Variants in NXPH1 observed in about 807,000 individuals in gnomAD.
NXPH1 encodes neurexophilin-1.
NXPH1 carries 5 observed loss-of-function variants against 23.7 expected under a neutral mutation model. That is an observed-to-expected ratio of 0.21 (90% CI 0.11 to 0.44). NXPH1 has a LOEUF of 0.44. Ranked by LOEUF, NXPH1 falls within the 20% of genes least tolerant of loss-of-function variation. The pLI, the probability that NXPH1 is intolerant of heterozygous loss-of-function variation, is 0.99. For missense variants in NXPH1, 324 were observed against 321.6 expected (o/e 1.01, Z -0.06); for synonymous variants, 144 against 122.2 (o/e 1.18, Z -1.18).
At chr7:8,704,946 G>T (rs571950669) in intron 2 of NXPH1, among the ~76,000 whole-genome samples, 1 of 152,012 alleles carries the variant, frequency 6.6e-6, no homozygotes, top group Non-Finnish European at 1.5e-5. Flanking sequence ...TGCCCAAAAG[G>T]ACCTGCAACC....
intron 2 of NXPH1, among the ~76,000 whole-genome samples, chr7:8,726,926 G>A (rs1562466611): frequency 6.6e-6 from 1 of 151,282 alleles, no homozygotes; most frequent in Non-Finnish European, 1.5e-5. Context: ...CTTCCACAAT[G>A]GTTGAACTAG....
intron 2 of NXPH1, among the ~76,000 whole-genome samples, chr7:8,708,760 C>G (rs1187961251): frequency 6.6e-6 from 1 of 152,102 alleles, no homozygotes; most frequent in African/African-American, 2.4e-5. Context: ...ATGAAGAATG[C>G]TATAAGGAAA....
intron 2 of NXPH1, among the ~76,000 whole-genome samples, chr7:8,605,138 G>T (rs73052515): frequency 0.014 from 2,054 of 152,084 alleles, 22 homozygotes; most frequent in Non-Finnish European, 0.021. Flanking sequence ...TTCCTAATAG[G>T]ACTGTTTAAG....
chr7:8,727,184 G>T (rs1780071116), intron 2 of NXPH1, among the ~76,000 whole-genome samples: 1 of 135,198 alleles, frequency 7.4e-6, no homozygotes, highest in African/African-American at 3.1e-5. Flanking sequence ...TGATGGGGTT[G>T]TTTGTTTTTT....
At chr7:8,492,905 G>T (rs192570810) in intron 2 of NXPH1, among the ~76,000 whole-genome samples, 7 of 152,080 alleles carry the variant, frequency 4.6e-5, no homozygotes, top group Non-Finnish European at 1.0e-4. Flanking sequence ...TAGCCAGAGT[G>T]TTCTAAGTGA....
intron 2 of NXPH1, among the ~76,000 whole-genome samples, chr7:8,646,890 G>T (rs1197078375): frequency 6.6e-6 from 1 of 151,374 alleles, no homozygotes; most frequent in Non-Finnish European, 1.5e-5. Context: ...CAATAAACTG[G>T]CAACTCGGGT....
At chr7:8,533,143 C>A (rs1211842226) in intron 2 of NXPH1, among the ~76,000 whole-genome samples, 1 of 152,100 alleles carries the variant, frequency 6.6e-6, no homozygotes, top group East Asian at 1.9e-4. Flanking sequence ...GGTGATAGAG[C>A]AAAGACGAGA....
chr7:8,706,330 C>T (rs996867162), intron 2 of NXPH1, among the ~76,000 whole-genome samples: 1 of 152,184 alleles, frequency 6.6e-6, no homozygotes. Context: ...CAGGCTTAAG[C>T]AGATTCAGAA....
intron 2 of NXPH1, among the ~76,000 whole-genome samples, chr7:8,657,369 T>C (rs1222910408): frequency 6.6e-6 from 1 of 152,214 alleles, no homozygotes; most frequent in African/African-American, 2.4e-5. Context: ...TTTTGAAACT[T>C]CCTGCCTTAG....
chr7:8,553,622 A>G (rs1818311280), intron 2 of NXPH1, among the ~76,000 whole-genome samples: 1 of 151,558 alleles, frequency 6.6e-6, no homozygotes, highest in Non-Finnish European at 1.5e-5. Flanking sequence ...ATAGTTTAGA[A>G]TATATGTGGC....
intron 2 of NXPH1, among the ~76,000 whole-genome samples, chr7:8,721,344 T>C (rs932661407): frequency 1.3e-5 from 2 of 151,944 alleles, no homozygotes; most frequent in African/African-American, 2.4e-5. Context: ...ATATGGAAGT[T>C]TCTTGTAACT....
At chr7:8,443,950 A>G (rs965402402) in intron 2 of NXPH1, among the ~76,000 whole-genome samples, 2 of 151,880 alleles carry the variant, frequency 1.3e-5, no homozygotes, top group African/African-American at 4.8e-5. Context: ...GCTGTTGCAC[A>G]CTCCCCTGGG....
intron 2 of NXPH1, among the ~76,000 whole-genome samples, chr7:8,454,832 C>T (rs1043878421): frequency 6.6e-6 from 1 of 152,122 alleles, no homozygotes; most frequent in African/African-American, 2.4e-5. Context: ...ATAAATTTCT[C>T]CATTCCTGGG....
chr7:8,638,022 A>G (rs1048412198), intron 2 of NXPH1, among the ~76,000 whole-genome samples: 6 of 152,210 alleles, frequency 3.9e-5, no homozygotes, highest in Admixed American at 1.3e-4. Context: ...TCAGCTAAAG[A>G]AAATTGGAGA....
chr7:8,696,772 C>T (rs892331202), intron 2 of NXPH1, among the ~76,000 whole-genome samples: 7 of 143,352 alleles, frequency 4.9e-5, no homozygotes, highest in Non-Finnish European at 7.5e-5. Flanking sequence ...ACCCGTGAGA[C>T]GGAGCTTGCG....
chr7:8,666,458 T>A (rs1820768629), intron 2 of NXPH1, among the ~76,000 whole-genome samples: 1 of 152,008 alleles, frequency 6.6e-6, no homozygotes, highest in Non-Finnish European at 1.5e-5. Context: ...AGAGTTTTCA[T>A]ATTTATGTTC....
chr7:8,555,142 G>A (rs1211008344), intron 2 of NXPH1, among the ~76,000 whole-genome samples: 1 of 151,680 alleles, frequency 6.6e-6, no homozygotes, highest in Non-Finnish European at 1.5e-5. Flanking sequence ...TCAAGAGCCT[G>A]TGGTTCTAAT....
chr7:8,612,590 A>T (rs905216296), intron 2 of NXPH1, among the ~76,000 whole-genome samples: 1 of 152,056 alleles, frequency 6.6e-6, no homozygotes, highest in African/African-American at 2.4e-5. Flanking sequence ...TCTGCATTCT[A>T]ACATTGCCTT....
chr7:8,660,051 T>C lies in NXPH1; in HGVS notation c.55-90957T>C, dbSNP rs376389390. Among the ~76,000 whole-genome samples, 5 of 152,336 alleles carry C rather than the reference T, an allele frequency of 3.3e-5. No homozygotes were observed. In the East Asian group the frequency reaches 9.6e-4, roughly 29 times the overall value. ...TTGAGAAAAACCCAGTGTGACTTTC[T>C]TCATCTTGCAATATTACTTTAAATT... On this transcript the variant is annotated intron_variant, in intron 2 of 2. Transcript: ENST00000405863.
Sources: allele counts gnomAD v4.1 joint callset (sites outside exome capture counted in the v4.1 genomes callset), GRCh38; gene constraint gnomAD v4.1.1; transcripts MANE v1.5; gene names NCBI Gene and HGNC (gene_info 2026-07-23, HGNC 2026-07-21).